Variants in HPCAL1 observed in about 807,000 individuals in gnomAD.
The protein encoded by HPCAL1 is hippocalcin-like protein 1.
In HPCAL1, 8 loss-of-function variants were observed where a neutral mutation model predicts 17.1. The ratio of observed to expected loss-of-function variants is 0.47; its 90% CI spans 0.27 to 0.84. The LOEUF (loss-of-function observed/expected upper bound fraction) is 0.84, where lower values mean the gene tolerates loss of function less well. Ranked by LOEUF, HPCAL1 falls within the 40% of genes least tolerant of loss-of-function variation. The probability of loss-of-function intolerance (pLI) is 0.13; values close to 1 mark genes in which losing one functional copy is unlikely to be tolerated. For synonymous variants in HPCAL1, 112 were observed against 111.4 expected (o/e 1.01, Z -0.03); for missense variants, 165 against 271.1 (o/e 0.61, Z 2.75).
At chr2:10,326,910 C>T (rs558022573) in intron 1 of HPCAL1, among the ~76,000 whole-genome samples, 46 of 152,190 alleles carry the variant, frequency 3.0e-4, no homozygotes, top group African/African-American at 7.2e-4. Flanking sequence ...TGAGCTGGGC[C>T]CCTGCTGTGC....
In HPCAL1 at chr2:10,419,691, C is replaced by T. The variant is rs182211696; in HGVS notation, c.-24-43C>T. The T allele has an allele frequency of 2.4e-4, 367 of 1,552,664 alleles. 1 individual carries two copies. In the African/African-American group the frequency reaches 4.7e-3, roughly 20 times the overall value. ...TCCGGCACATGGCTCAGCCCTGCTCCGTGGCCGTGGGTGGCGTCCCCGGCT... is the reference window on the plus strand; with the variant it reads ...TCCGGCACATGGCTCAGCCCTGCTCTGTGGCCGTGGGTGGCGTCCCCGGCT... On this transcript the variant is annotated intron_variant, in intron 2 of 4. Transcript: ENST00000307845. This position sits in a 1 kb window ranked among gnomAD's most constrained non-coding sequence, Gnocchi z 5.0.
intron 1 of HPCAL1, among the ~76,000 whole-genome samples, chr2:10,389,375 C>T (rs1668537792): frequency 6.6e-6 from 1 of 152,184 alleles, no homozygotes; most frequent in South Asian, 2.1e-4. Flanking sequence ...ACAGCTGCTT[C>T]AGTAAAATTG....
rs115698483 is a variant in HPCAL1 at position 10,398,887 on chromosome 2, A to T, written c.-25+1967A>T. Among the ~76,000 whole-genome samples, 695 of 152,106 alleles carry T rather than the reference A, an allele frequency of 4.6e-3. 6 individuals carry two copies. The highest frequency in any genetic ancestry group is 0.016 in the African/African-American group (659 of 41,452). On this transcript the variant is annotated intron_variant, in intron 2 of 4. Coordinates refer to ENST00000307845, the MANE Select transcript of HPCAL1 (RefSeq NM_002149.4). The stretch of plus-strand genomic sequence containing the variant: ...AAGTATTTTTCTCAGCAGAAAATAG[A>T]CACAACTGCATGTGAAGGGGCCACT...
intron 1 of HPCAL1, among the ~76,000 whole-genome samples, chr2:10,319,717 C>G (rs1663552869): frequency 6.6e-6 from 1 of 151,644 alleles, no homozygotes; most frequent in Admixed American, 6.6e-5. Flanking sequence ...CCACCTGGCC[C>G]CTTGGTGGAG....
intron 1 of HPCAL1, among the ~76,000 whole-genome samples, chr2:10,334,075 G>A (rs1664552405): frequency 6.6e-6 from 1 of 152,198 alleles, no homozygotes; most frequent in Non-Finnish European, 1.5e-5. Context: ...TTTCCCCAGT[G>A]ACCAATAGCC....
intron 1 of HPCAL1, among the ~76,000 whole-genome samples, chr2:10,320,531 G>A (rs905242668): frequency 1.3e-5 from 2 of 152,236 alleles, no homozygotes; most frequent in African/African-American, 2.4e-5. Flanking sequence ...TTCCTGTGCA[G>A]TATGTGGAAC....
intron 1 of HPCAL1, among the ~76,000 whole-genome samples, chr2:10,308,911 C>A (rs1475919075): frequency 6.6e-6 from 1 of 152,152 alleles, no homozygotes; most frequent in Non-Finnish European, 1.5e-5. Flanking sequence ...CAAAACAAAT[C>A]TATTTTCTAA....
intron 1 of HPCAL1, among the ~76,000 whole-genome samples, chr2:10,364,326 A>G (rs1666711178): frequency 6.6e-6 from 1 of 152,194 alleles, no homozygotes; most frequent in Admixed American, 6.5e-5. Context: ...CAGAGCCCTG[A>G]GCACCGAGAG....
At chr2:10,415,047 AG>A (rs984052634) in intron 2 of HPCAL1, among the ~76,000 whole-genome samples, 1 of 152,200 alleles carries the variant, frequency 6.6e-6, no homozygotes, top group African/African-American at 2.4e-5. Context: ...GCCCTTTTGA[AG>A]CCTAGGAATG....
intron 1 of HPCAL1, among the ~76,000 whole-genome samples, chr2:10,357,630 A>G (rs949949602): frequency 1.3e-5 from 2 of 152,240 alleles, no homozygotes; most frequent in Non-Finnish European, 2.9e-5. Flanking sequence ...AATCCAGCAG[A>G]AAGCCGATGT....
rs1206207550 is a variant in HPCAL1, at chr2:10,395,127, C to CAT, written c.-110-1707_-110-1706insTA. On this transcript the variant is annotated intron_variant, in intron 1 of 4. Coordinates refer to ENST00000307845, the MANE Select transcript of HPCAL1 (RefSeq NM_002149.4). This position sits in a 1 kb window ranked among gnomAD's most constrained non-coding sequence, Gnocchi z 4.4. ...TCTATCTTTAAAACACACACACACACACACACACACACACACACACACACA... is the reference window on the plus strand; with the variant it reads ...TCTATCTTTAAAACACACACACACACATACACACACACACACACACACACACA... Among the ~76,000 whole-genome samples the CAT allele has an allele frequency of 8.5e-6, 1 of 117,682 alleles. No individual in the cohort carries two copies. The highest frequency in any genetic ancestry group is 2.1e-5 in the Non-Finnish European group (1 of 47,514). The allele number at this position is 117,682 out of a possible 152,430, so 77.2% of individuals were successfully genotyped here.
intron 1 of HPCAL1, among the ~76,000 whole-genome samples, chr2:10,357,255 C>A (rs964879637): frequency 6.6e-6 from 1 of 152,190 alleles, no homozygotes; most frequent in Non-Finnish European, 1.5e-5. Flanking sequence ...GCTTGCAGTA[C>A]CCACCAAGCC....
rs1666033521 is a variant in HPCAL1 at position 10,354,741 on chromosome 2, AG to A, written c.-110-42092del. Among the ~76,000 whole-genome samples the A allele has an allele frequency of 2.6e-5, 4 of 152,220 alleles. No individual in the cohort carries two copies. Among genetic ancestry groups the A allele is most frequent in the Admixed American group, 2.6e-4 (4 of 15,288 alleles). ...TTTCTGGGTTCTTGCATAGGCTTCA[AG>A]GAGGGAGGATATGGATGTGAGCTTA... is the stretch of plus-strand genomic sequence containing the variant. On this transcript the variant is annotated intron_variant, in intron 1 of 4. Transcript: ENST00000307845. The surrounding 1 kb of genome is among the most constrained non-coding windows in gnomAD (Gnocchi z 5.1).
At chr2:10,418,882 CT>C (rs778636449) in intron 2 of HPCAL1, among the ~76,000 whole-genome samples, 23 of 152,106 alleles carry the variant, frequency 1.5e-4, no homozygotes, top group Non-Finnish European at 2.8e-4. Flanking sequence ...ATTCCAGATC[CT>C]CCTCCCACCC....
intron 2 of HPCAL1, among the ~76,000 whole-genome samples, chr2:10,402,720 C>T (rs181069378): frequency 1.3e-5 from 2 of 151,372 alleles, no homozygotes; most frequent in African/African-American, 2.5e-5. Context: ...ACTGGAGGTT[C>T]CCTTCCAAAT....
intron 1 of HPCAL1, among the ~76,000 whole-genome samples, chr2:10,364,913 C>T (rs1666754193): frequency 1.3e-5 from 2 of 152,054 alleles, no homozygotes; most frequent in African/African-American, 4.8e-5. Flanking sequence ...GTCCTTTTCT[C>T]CCTCTCTGAG....
rs961798946 is a variant in HPCAL1, at chr2:10,365,621, C to T, written c.-110-31214C>T. Reference sequence around the variant, plus strand: ...CCGCCCAACCCCCGACCGCACACCTCCCTCCCCCTTAGCTGCTTCGAAGCC... The same window carrying T: ...CCGCCCAACCCCCGACCGCACACCTTCCTCCCCCTTAGCTGCTTCGAAGCC... On this transcript the variant is annotated intron_variant, in intron 1 of 4. Transcript: ENST00000307845. The surrounding 1 kb of genome is among the most constrained non-coding windows in gnomAD (Gnocchi z 4.8). Among the ~76,000 whole-genome samples the T allele has an allele frequency of 6.6e-5, 10 of 152,074 alleles. No homozygotes were observed. The highest frequency in any genetic ancestry group is 5.9e-5 in the Non-Finnish European group (4 of 68,012).
intron 1 of HPCAL1, among the ~76,000 whole-genome samples, chr2:10,329,447 A>C (rs1664216844): frequency 6.6e-6 from 1 of 152,148 alleles, no homozygotes; most frequent in Non-Finnish European, 1.5e-5. Context: ...AGACGCAGAG[A>C]TGAAACACTG....
intron 1 of HPCAL1, among the ~76,000 whole-genome samples, chr2:10,334,958 G>A (rs1251100325): frequency 2.6e-5 from 4 of 152,260 alleles, no homozygotes; most frequent in Admixed American, 6.5e-5. Context: ...GATTACAGGC[G>A]TGAGCCACTG....
Sources: allele counts gnomAD v4.1 joint callset (sites outside exome capture counted in the v4.1 genomes callset), GRCh38; gene constraint gnomAD v4.1.1; non-coding constraint Gnocchi (gnomAD v3.1); transcripts MANE v1.5; gene names NCBI Gene and HGNC (gene_info 2026-07-23, HGNC 2026-07-21).